KBTBD2: variants seen among roughly 807,000 people sequenced by gnomAD.
The protein encoded by KBTBD2 is kelch repeat and BTB domain-containing protein 2.
KBTBD2 carries 17 observed loss-of-function variants against 57.1 expected under a neutral mutation model. The ratio of observed to expected loss-of-function variants is 0.30; its 90% CI spans 0.20 to 0.45. The LOEUF is 0.45. Ranked by LOEUF, KBTBD2 falls within the 20% of genes least tolerant of loss-of-function variation. The probability of loss-of-function intolerance (pLI) is 1.00; values close to 1 mark genes in which losing one functional copy is unlikely to be tolerated. For missense variants in KBTBD2, 515 were observed against 750.6 expected, an observed-to-expected ratio of 0.69 and a Z score of 3.67; for synonymous variants, 267 against 262.7, an observed-to-expected ratio of 1.02 and a Z score of -0.16.
intron 1 of KBTBD2, among the ~76,000 whole-genome samples, chr7:32,881,014 T>C (rs1418233966): frequency 1.3e-5 from 2 of 151,602 alleles, no homozygotes; most frequent in Non-Finnish European, 2.9e-5. Flanking sequence ...GGCAGGGGAA[T>C]TGCTTGAACC....
rs147938771 is a variant in KBTBD2 at position 32,874,021 on chromosome 7, G to A, written c.336+971C>T. ...TTCATACCTGTAATCCCAGGGCTTT[G>A]AGAAGCCAATGCAGGAGGATTGCTT... is the stretch of plus-strand genomic sequence containing the variant. On this transcript the variant is annotated intron_variant, in intron 3 of 3. Coordinates refer to ENST00000304056, the MANE Select transcript of KBTBD2 (RefSeq NM_015483.3). Among the ~76,000 whole-genome samples the A allele has an allele frequency of 1.5e-3, 221 of 152,096 alleles. 1 individual carries two copies. The highest frequency in any genetic ancestry group is 5.2e-3 in the African/African-American group (214 of 41,490).
At chr7:32,889,210 G>A (rs1306610516) in intron 1 of KBTBD2, among the ~76,000 whole-genome samples, 1 of 151,702 alleles carries the variant, frequency 6.6e-6, no homozygotes, top group African/African-American at 2.4e-5. Context: ...AGAATGGCGT[G>A]AACCCGGGAG....
intron 1 of KBTBD2, among the ~76,000 whole-genome samples, chr7:32,888,985 T>G (rs1255709706): frequency 2.6e-5 from 4 of 152,192 alleles, no homozygotes; most frequent in African/African-American, 9.7e-5. Flanking sequence ...ACTTTTCCTT[T>G]TTCCTCTCAC....
intron 1 of KBTBD2, among the ~76,000 whole-genome samples, chr7:32,890,754 TG>T: frequency 6.6e-6 from 1 of 152,172 alleles, no homozygotes; most frequent in East Asian, 1.9e-4. Flanking sequence ...CTATTTTCAC[TG>T]GAAGGGGTCA....
rs774027979 is a variant in KBTBD2, at chr7:32,870,118, G to A, written c.1099C>T (p.Leu367Phe). The A allele has an allele frequency of 6.2e-7, 1 of 1,614,152 alleles. No individual in the cohort carries two copies. The highest frequency in any genetic ancestry group is 8.5e-7 in the Non-Finnish European group (1 of 1,180,006). Reference sequence around the variant, plus strand: ...AAAGATGGCTTTATGCGGACAAAAAGCATTGGGGTCTTTGGAAACCAGGTA... The same window carrying A: ...AAAGATGGCTTTATGCGGACAAAAAACATTGGGGTCTTTGGAAACCAGGTA... ...QNTWFPKTPM[L>F]FVRIKPSLVC... The change falls in exon 4 of 4, where the codon CTT (leucine) becomes TTT (phenylalanine). Residue 367 changes from leucine (L) to phenylalanine (F), a missense_variant. Physicochemically the swap from Leu to Phe is conservative, Grantham distance 22. Transcript: ENST00000304056.
chr7:32,873,925 C>T (rs905860661), intron 3 of KBTBD2, among the ~76,000 whole-genome samples: 1 of 152,038 alleles, frequency 6.6e-6, no homozygotes. Flanking sequence ...AAGAAAAAAA[C>T]CTTTTACCTT....
At position 32,874,979 on chromosome 7, in the gene KBTBD2, T is replaced by C. The variant is rs773818029; in HGVS notation, c.336+13A>G. On this transcript the variant is annotated intron_variant, in intron 3 of 3. Coordinates refer to ENST00000304056, the MANE Select transcript of KBTBD2 (RefSeq NM_015483.3). Reference sequence around the variant, plus strand: ...GAGAGAGACTCCGTCTAAAAAAATATATATATGCTTACCTGTAGGAAGCAA... The same window carrying C: ...GAGAGAGACTCCGTCTAAAAAAATACATATATGCTTACCTGTAGGAAGCAA... 7.4e-6 allele frequency: 12 copies of C among 1,611,378 alleles called. No individual in the cohort carries two copies. In the South Asian group the frequency reaches 1.2e-4, roughly 16 times the overall value.
At chr7:32,890,479 G>A (rs2127959403) in intron 1 of KBTBD2, among the ~76,000 whole-genome samples, 1 of 152,230 alleles carries the variant, frequency 6.6e-6, no homozygotes, top group African/African-American at 2.4e-5. Context: ...CTCAAATTCG[G>A]CAAAAATGTA....
Position 32,869,621 on chromosome 7 carries a change from A to G in KBTBD2, c.1596T>C (p.Asn532=). 1 of 1,614,200 alleles carries G rather than the reference A, an allele frequency of 6.2e-7. No individual in the cohort carries two copies. Among genetic ancestry groups the G allele is most frequent in the African/African-American group, 1.3e-5 (1 of 75,060 alleles). Residue 532 remains asparagine (N), a synonymous_variant, in exon 4 of 4, where the codon AAT becomes AAC. Coordinates refer to ENST00000304056, the MANE Select transcript of KBTBD2 (RefSeq NM_015483.3). ...DPCVRAVVIS[N]SLCVFMRETH... Reference sequence around the variant, plus strand: ...TTTCTCGCATAAACACACATAGAGAATTTGAGATCACAACAGCTCTAACAC... The same window carrying G: ...TTTCTCGCATAAACACACATAGAGAGTTTGAGATCACAACAGCTCTAACAC...
rs754546535 is a variant in KBTBD2, at chr7:32,875,486, G to T, written c.171-329C>A. 2.0e-5 allele frequency among the ~76,000 whole-genome samples: 3 copies of T among 152,146 alleles called. No homozygotes were observed. In the Middle Eastern group the frequency reaches 0.01, roughly 518 times the overall value. The stretch of plus-strand genomic sequence containing the variant: ...AGGCCTCCCTATGTTGCCCAGGCTG[G>T]TCTCCAACTCCTGAGCTCAAGCAAT... On this transcript the variant is annotated intron_variant, in intron 2 of 3. Transcript: ENST00000304056.
At position 32,868,241 on chromosome 7, in the gene KBTBD2, A is replaced by T. The variant is rs1784072922; in HGVS notation, c.*1104T>A. 1 of 152,660 alleles carries T rather than the reference A, an allele frequency of 6.6e-6. No homozygotes were observed. Among genetic ancestry groups the T allele is most frequent in the South Asian group, 2.1e-4 (1 of 4,836 alleles). The allele number at this position is 152,660 out of a possible 1,614,324, so 9.5% of individuals were successfully genotyped here. A position where few individuals can be genotyped will look rare whatever the true frequency, so the allele number is the denominator to read the frequency against. ...ACAGTGCCAGAACATGGTGCAGTTG[A>T]ACATGCTAGTAATGTTTGTCATGAA... is the stretch of plus-strand genomic sequence containing the variant. On this transcript the variant is annotated 3_prime_UTR_variant, in exon 4 of 4. Coordinates refer to ENST00000304056, the MANE Select transcript of KBTBD2 (RefSeq NM_015483.3).
In KBTBD2 at chr7:32,870,667, C is replaced by A; in HGVS notation, c.550G>T (p.Asp184Tyr). ...HDLLIDILSS[D>Y]NLNVEKEETV... ...TCTTCCTTTTCTACATTTAAATTGT[C>A]ACTACTGAGAATATCTATCAGTAGG... Residue 184 changes from aspartate to tyrosine, a missense_variant, in exon 4 of 4, where the codon GAC becomes TAC. Coordinates refer to ENST00000304056, the MANE Select transcript of KBTBD2 (RefSeq NM_015483.3). The A allele has an allele frequency of 6.2e-7, 1 of 1,614,078 alleles. No individual in the cohort carries two copies. Among genetic ancestry groups the A allele is most frequent in the South Asian group, 1.1e-5 (1 of 91,064 alleles).
Position 32,869,183 on chromosome 7 carries a change from G to GAT in KBTBD2, c.*160_*161dup. 1.8e-6 allele frequency: 1 copy of GAT among 561,678 alleles called. No individual in the cohort carries two copies. Among genetic ancestry groups the GAT allele is most frequent in the African/African-American group, 1.9e-5 (1 of 53,454 alleles). 34.8% of individuals were successfully genotyped at this position (561,678 alleles called of 1,614,324 possible). The stretch of plus-strand genomic sequence containing the variant: ...AGCATATCTTTCTGTAAGACTCACT[G>GAT]ATATATATTATACTGATGCAAATAT... On this transcript the variant is annotated 3_prime_UTR_variant, in exon 4 of 4. Coordinates refer to ENST00000304056, the MANE Select transcript of KBTBD2 (RefSeq NM_015483.3).
chr7:32,887,552 G>C (rs1474604048), intron 1 of KBTBD2, among the ~76,000 whole-genome samples: 1 of 152,202 alleles, frequency 6.6e-6, no homozygotes, highest in Non-Finnish European at 1.5e-5. Context: ...AGGAATGAAG[G>C]AATGATAGGT....
rs917048421 is a variant in KBTBD2 at position 32,869,503 on chromosome 7, G to A, written c.1714C>T (p.Leu572=). Residue 572 remains leucine, a synonymous_variant, in exon 4 of 4, where the codon CTG becomes TTG. Transcript: ENST00000304056. ...CGAAAATCTCTCCCCAAGTCCCACA[G>A]TACACGTTCAGATATATGCTGCCGC... ...SLRQHISERV[L]WDLGRDFRCT... 2.5e-6 allele frequency: 4 copies of A among 1,614,066 alleles called. No homozygotes were observed. The highest frequency in any genetic ancestry group is 2.7e-5 in the African/African-American group (2 of 74,918).
intron 2 of KBTBD2, among the ~76,000 whole-genome samples, chr7:32,876,217 T>C (rs183645763): frequency 2.4e-4 from 37 of 152,346 alleles, no homozygotes; most frequent in Admixed American, 2.2e-3. Flanking sequence ...AGCTTCTGCA[T>C]GTAGCGGTCA....
chr7:32,873,783 T>C (rs9639669), intron 3 of KBTBD2, among the ~76,000 whole-genome samples: 73,627 of 152,022 alleles, frequency 0.48, 19,486 homozygotes, highest in African/African-American at 0.71. Context: ...GTATATTAGG[T>C]AGTAAAACAC....
chr7:32,880,800 C>T (rs2127953857), intron 1 of KBTBD2, among the ~76,000 whole-genome samples: 1 of 152,214 alleles, frequency 6.6e-6, no homozygotes, highest in South Asian at 2.1e-4. Flanking sequence ...ACCAAGTACA[C>T]ATAAGAAACC....
intron 1 of KBTBD2, among the ~76,000 whole-genome samples, chr7:32,890,502 A>G (rs1035063919): frequency 6.6e-6 from 1 of 152,198 alleles, no homozygotes; most frequent in African/African-American, 2.4e-5. Context: ...ACTCAGAGGG[A>G]AGAGGGGGAA....
Sources: gnomAD v4.1 joint callset for allele counts (sites outside exome capture counted in the v4.1 genomes callset) on GRCh38, gnomAD v4.1.1 for gene constraint, MANE v1.5 for transcripts, NCBI Gene and HGNC (gene_info 2026-07-23, HGNC 2026-07-21) for gene names.